G2E3: variants seen among roughly 807,000 people sequenced by gnomAD.
The protein encoded by G2E3 is G2/M-phase specific E3 ubiquitin protein ligase.
A neutral mutation model predicts 92.8 loss-of-function variants in G2E3; 35 were observed. That is an observed-to-expected ratio of 0.38 (90% confidence interval 0.29 to 0.50). The LOEUF (loss-of-function observed/expected upper bound fraction) is 0.50. G2E3 is among the 20% of genes least tolerant of loss of function. The pLI, the probability that G2E3 is intolerant of heterozygous loss-of-function variation, is 0.94. For synonymous variants in G2E3, 242 were observed against 272.4 expected (o/e 0.89, Z 1.10); for missense variants, 554 against 823.8 (o/e 0.67, Z 4.01).
At chr14:30,605,467 A>G (rs778861203) in intron 10 of G2E3, 38 bp from the exon 11 acceptor site, 3 of 773,352 alleles carry the variant, frequency 3.9e-6, no homozygotes, top group Non-Finnish European at 6.2e-6. Context: ...AAAGTACTTT[A>G]AAGTACTTAT....
In G2E3 at chr14:30,581,057, TTAA is replaced by T; in HGVS notation, c.-4-17_-4-15del. On this transcript the variant is annotated splice_polypyrimidine_tract_variant and intron_variant, in intron 1 of 14. Transcript: ENST00000206595. ...GACTTTTACAATTAAGATGACTGTA[TTAA>T]TGTTATTTTTCCTAGTAAAATGAAT... 1 of 1,320,492 alleles carries T rather than the reference TTAA, an allele frequency of 7.6e-7. No homozygotes were observed. The highest frequency in any genetic ancestry group is 1.1e-6 in the Non-Finnish European group (1 of 914,508). The allele number at this position is 1,320,492 out of a possible 1,614,324, so 81.8% of individuals were successfully genotyped here.
chr14:30,609,360 G>A (rs1020370223), intron 12 of G2E3, among the ~76,000 whole-genome samples: 11 of 152,136 alleles, frequency 7.2e-5, no homozygotes, highest in African/African-American at 2.7e-4. Flanking sequence ...TATCCAGGGA[G>A]CTAAATATCC....
In G2E3 at chr14:30,605,583, A is replaced by G; in HGVS notation, c.1089A>G (p.Arg363=). The G allele has an allele frequency of 6.6e-7, 1 of 1,518,824 alleles. No individual in the cohort carries two copies. Among genetic ancestry groups the G allele is most frequent in the Non-Finnish European group, 9.0e-7 (1 of 1,105,204 alleles). 94.1% of individuals were successfully genotyped at this position (1,518,824 alleles called of 1,614,324 possible). ...TCCAAATTAAAAAAAAAACTAAAAGATTGTATATCAACAAAGCCAATATCT... is the reference window on the plus strand; with the variant it reads ...TCCAAATTAAAAAAAAAACTAAAAGGTTGTATATCAACAAAGCCAATATCT... ...LGFQIKKKTK[R]LYINKANIWN... Residue 363 remains arginine (R), a synonymous_variant, in exon 11 of 15, where the codon AGA becomes AGG. Transcript: ENST00000206595.
intron 8 of G2E3, among the ~76,000 whole-genome samples, chr14:30,599,198 C>G (rs1402028798): frequency 6.6e-6 from 1 of 151,064 alleles, no homozygotes; most frequent in Non-Finnish European, 1.5e-5. Flanking sequence ...GCCCACCTAT[C>G]TGACCTTATT....
At chr14:30,607,431 T>C (rs564805504) in intron 11 of G2E3, among the ~76,000 whole-genome samples, 2 of 152,300 alleles carry the variant, frequency 1.3e-5, no homozygotes, top group East Asian at 1.9e-4. Context: ...AACATGTTAC[T>C]GTACTGAATA....
At chr14:30,562,121 G>T (rs897894410) in intron 1 of G2E3, among the ~76,000 whole-genome samples, 1 of 152,044 alleles carries the variant, frequency 6.6e-6, no homozygotes. Context: ...GGCACCAAAA[G>T]ATTTAGTAGC....
intron 1 of G2E3, chr14:30,560,589 A>G (rs757118525): frequency 5.2e-5 from 28 of 541,970 alleles, no homozygotes; most frequent in Admixed American, 1.8e-4. Context: ...CTTTCTGCTC[A>G]TTTCATATGT....
chr14:30,559,872 C>T (rs1878985777), intron 1 of G2E3: 1 of 152,126 alleles, frequency 6.6e-6, no homozygotes, highest in African/African-American at 2.4e-5. Context: ...ATTTTTCTTT[C>T]ACGGTTGACA....
chr14:30,619,172 G>A lies in G2E3; in HGVS notation c.*2638G>A, dbSNP rs1424052280. On this transcript the variant is annotated 3_prime_UTR_variant, in exon 15 of 15. Transcript: ENST00000206595. ...TTATACTTTGTAATTTTTAGTTTCTGTAATTTGAGGAAGTGACTTTTTTTG... is the reference window on the plus strand; with the variant it reads ...TTATACTTTGTAATTTTTAGTTTCTATAATTTGAGGAAGTGACTTTTTTTG... The A allele has an allele frequency of 6.6e-6, 1 of 152,016 alleles. No homozygotes were observed. The highest frequency in any genetic ancestry group is 1.5e-5 in the Non-Finnish European group (1 of 67,918). 9.4% of individuals were successfully genotyped at this position (152,016 alleles called of 1,614,324 possible).
chr14:30,602,059 A>T lies in G2E3; in HGVS notation c.938A>T (p.Asp313Val). The T allele has an allele frequency of 6.2e-7, 1 of 1,611,538 alleles. No individual in the cohort carries two copies. Among genetic ancestry groups the T allele is most frequent in the Non-Finnish European group, 8.5e-7 (1 of 1,177,758 alleles). The stretch of plus-strand genomic sequence containing the variant: ...AATTCTAATAATGTGGGGATTACAG[A>T]TTGTTTGTTGGAAGAGTCATCACCT... ...LPNSNNVGITDCLLEESSPKL... is the reference protein window; with the variant it reads ...LPNSNNVGITVCLLEESSPKL... The change falls in exon 10 of 15, where the codon GAT becomes GTT. Residue 313 changes from aspartate to valine, a missense_variant. Asp to Val is a radical substitution (Grantham distance 152, BLOSUM62 -3). Around this residue, in one of 3 missense-constraint regions of G2E3, gnomAD observed 397 missense variants for 560.3 expected, o/e 0.71. Coordinates refer to ENST00000206595, the MANE Select transcript of G2E3 (RefSeq NM_017769.5).
At chr14:30,592,230 G>T in intron 4 of G2E3, 93 bp from the exon 5 acceptor site, 1 of 1,114,144 alleles carries the variant, frequency 9.0e-7, no homozygotes, top group Non-Finnish European at 1.3e-6. Flanking sequence ...ATAATTTTCA[G>T]ATTCCCCACC....
At chr14:30,610,358 G>C (rs1882029906) in intron 12 of G2E3, among the ~76,000 whole-genome samples, 1 of 152,322 alleles carries the variant, frequency 6.6e-6, no homozygotes, top group South Asian at 2.1e-4. Flanking sequence ...GGTCACGCCT[G>C]TAATCCCAAC....
chr14:30,589,999 A>G (rs1318409291), intron 4 of G2E3, among the ~76,000 whole-genome samples: 2 of 152,004 alleles, frequency 1.3e-5, no homozygotes, highest in South Asian at 2.1e-4. Context: ...ACCCTTTTCT[A>G]TTCTCTAGGA....
At chr14:30,588,980 A>G (rs1037376733) in intron 3 of G2E3, among the ~76,000 whole-genome samples, 1 of 152,122 alleles carries the variant, frequency 6.6e-6, no homozygotes, top group Non-Finnish European at 1.5e-5. Flanking sequence ...GTTAGCCTGA[A>G]ATGTCACTGA....
intron 1 of G2E3, among the ~76,000 whole-genome samples, chr14:30,566,836 A>T (rs1879466634): frequency 6.6e-6 from 1 of 152,172 alleles, no homozygotes; most frequent in African/African-American, 2.4e-5. Context: ...AGGTTTTTCC[A>T]TAGATGCTGA....
chr14:30,578,898 T>C (rs745720849), intron 1 of G2E3, among the ~76,000 whole-genome samples: 6 of 152,208 alleles, frequency 3.9e-5, no homozygotes, highest in Non-Finnish European at 8.8e-5. Context: ...CTTGTACCAT[T>C]TGTTTAAAAG....
intron 1 of G2E3, chr14:30,577,731 C>G (rs576825598): frequency 1.3e-5 from 2 of 152,272 alleles, no homozygotes; most frequent in South Asian, 4.1e-4. Context: ...CTGCCACAGT[C>G]TTTTTTGTTG....
chr14:30,612,723 G>C (rs1882151738), intron 13 of G2E3, among the ~76,000 whole-genome samples: 1 of 152,068 alleles, frequency 6.6e-6, no homozygotes, highest in Non-Finnish European at 1.5e-5. Context: ...CGGGCGTGGT[G>C]GTGGGTTCCT....
intron 1 of G2E3, chr14:30,574,695 A>G (rs2138796358): frequency 1.3e-5 from 2 of 152,208 alleles, no homozygotes; most frequent in South Asian, 2.1e-4. Flanking sequence ...TTGTTCCTGT[A>G]TTACTGTGCT....
Sources: gnomAD v4.1 joint callset for allele counts (sites outside exome capture counted in the v4.1 genomes callset) on GRCh38, gnomAD v4.1.1 for gene constraint, gnomAD v4.1.1 regional missense constraint, MANE v1.5 for transcripts, NCBI Gene and HGNC (gene_info 2026-07-23, HGNC 2026-07-21) for gene names.